ANK2: variants seen among roughly 807,000 people sequenced by gnomAD.
The protein encoded by ANK2 is ankyrin 2, also known as ankyrin-2.
ANK2 carries 83 observed loss-of-function variants against 360.5 expected under a neutral mutation model. The ratio of observed to expected loss-of-function variants is 0.23; its 90% CI spans 0.19 to 0.28. The LOEUF is 0.28. Among genes scored for constraint, ANK2 ranks in the 10% least tolerant of loss-of-function variants. The pLI is 1.00. For synonymous variants in ANK2, 1,740 were observed against 1,759.5 expected, an observed-to-expected ratio of 0.99 and a Z score of 0.28; for missense variants, 4,201 against 4,795.7, an observed-to-expected ratio of 0.88 and a Z score of 3.66.
rs534516815 is a variant in ANK2 at position 112,954,937 on chromosome 4, A to G, written c.21+50423A>G. Among the ~76,000 whole-genome samples, 28 of 152,314 alleles carry G rather than the reference A, an allele frequency of 1.8e-4. No individual in the cohort carries two copies. In the South Asian group the frequency reaches 1.9e-3, roughly 10 times the overall value. On this transcript the variant is annotated intron_variant, in intron 2 of 30. Transcript: ENST00000503271. ...AATCAGTTATAGGGAAATAATGCCA[A>G]ATTTGTAAAAAACTGCATGACCAAA...
the ANK2 span, among the ~76,000 whole-genome samples, chr4:112,712,311 C>T: frequency 6.6e-6 from 1 of 150,474 alleles, no homozygotes; most frequent in African/African-American, 2.4e-5. Context: ...AACTTCTAAC[C>T]TCAGGTGATC....
intron 1 of ANK2, among the ~76,000 whole-genome samples, chr4:112,863,449 T>A (rs1006553495): frequency 1.1e-4 from 16 of 151,770 alleles, no homozygotes; most frequent in African/African-American, 3.1e-4. Context: ...ATTTAAAAAA[T>A]TACAAAATAT....
At chr4:113,267,546 G>A (rs768056605) in intron 14 of ANK2, among the ~76,000 whole-genome samples, 1 of 152,202 alleles carries the variant, frequency 6.6e-6, no homozygotes, top group African/African-American at 2.4e-5. Context: ...ATTTGTCAAA[G>A]ATCAGATGGT....
Position 113,369,633 on chromosome 4 carries a change from A to G in ANK2, c.11438A>G (p.Gln3813Arg). Residue 3813 changes from glutamine to arginine, a missense_variant, in exon 43 of 46, where the codon CAG (glutamine) becomes CGG (arginine). Gln to Arg is a conservative substitution (Grantham distance 43). Around this residue, in one of 4 missense-constraint regions of ANK2, gnomAD observed 2,642 missense variants for 2,714.5 expected, o/e 0.97. Coordinates refer to ENST00000357077, the MANE Select transcript of ANK2 (RefSeq NM_001148.6). ...TPAEEEKLYL[Q>R]TPTSSERGGS... ...GCAGAGGAGGAGAAGCTGTACCTCC[A>G]GACCCCAACATCCAGCGAGCGGGGA... The G allele has an allele frequency of 1.2e-6, 2 of 1,614,166 alleles. No homozygotes were observed. The highest frequency in any genetic ancestry group is 1.7e-6 in the Non-Finnish European group (2 of 1,180,012).
chr4:113,301,883 T>A (rs895297583), intron 22 of ANK2, among the ~76,000 whole-genome samples: 1 of 152,230 alleles, frequency 6.6e-6, no homozygotes, highest in Admixed American at 6.5e-5. Context: ...ACTTTTAAGA[T>A]GCATTTAATA....
chr4:113,049,836 T>A (rs1413887544), intron 1 of ANK2, 24 bp downstream of exon 1: 1 of 1,612,560 alleles, frequency 6.2e-7, no homozygotes, highest in East Asian at 2.2e-5. Context: ...ATTAGGAATG[T>A]CTGTGTATAA....
At chr4:113,161,125 T>C (rs1034693952) in intron 1 of ANK2, among the ~76,000 whole-genome samples, 32 of 152,238 alleles carry the variant, frequency 2.1e-4, no homozygotes, top group African/African-American at 7.7e-4. Context: ...CTTTTGTTTT[T>C]AGTTGTGTTT....
Position 113,287,699 on chromosome 4 carries a change from C to T in ANK2, c.2174C>T (p.Thr725Ile). The change falls in exon 19 of 46, where the codon ACA becomes ATA. Residue 725 changes from threonine (T) to isoleucine (I), a missense_variant. Thr to Ile is a moderately conservative substitution (Grantham distance 89). Coordinates refer to ENST00000357077, the MANE Select transcript of ANK2 (RefSeq NM_001148.6). The stretch of plus-strand genomic sequence containing the variant: ...CATGGAGCTGATCAGGATGCTCATA[C>T]AAAGGTAAAGCAAATCACTCTCAGT... Reference protein sequence around the residue: ...TKHGADQDAHTKLGYTPLIVA... With the variant: ...TKHGADQDAHIKLGYTPLIVA... 1 of 1,606,998 alleles carries T rather than the reference C, an allele frequency of 6.2e-7. No individual in the cohort carries two copies.
At chr4:113,300,926 T>C (rs576601663) in intron 22 of ANK2, among the ~76,000 whole-genome samples, 2 of 152,368 alleles carry the variant, frequency 1.3e-5, no homozygotes, top group Admixed American at 1.3e-4. Flanking sequence ...AGATCTTATA[T>C]ATGTATATAG....
intron 2 of ANK2, among the ~76,000 whole-genome samples, chr4:113,015,509 T>C (rs2056363842): frequency 1.3e-5 from 2 of 152,226 alleles, no homozygotes; most frequent in Non-Finnish European, 2.9e-5. Context: ...GTGTTATGAT[T>C]TAATATGTTC....
chr4:112,732,813 G>C, the ANK2 span, among the ~76,000 whole-genome samples: 8 of 152,184 alleles, frequency 5.3e-5, no homozygotes, highest in Non-Finnish European at 8.8e-5. Flanking sequence ...TGGGCGTGGT[G>C]GCTCACGCCT....
intron 10 of ANK2, among the ~76,000 whole-genome samples, chr4:113,252,841 AC>A (rs1319623379): frequency 6.6e-6 from 1 of 152,180 alleles, no homozygotes; most frequent in Non-Finnish European, 1.5e-5. Flanking sequence ...TACAGGAAAC[AC>A]CCAGCCACAC....
At chr4:113,091,808 AT>A (rs1217300273) in intron 1 of ANK2, among the ~76,000 whole-genome samples, 1 of 152,190 alleles carries the variant, frequency 6.6e-6, no homozygotes, top group African/African-American at 2.4e-5. Context: ...TGTTTTATAG[AT>A]TAAGTGCTTT....
chr4:112,809,569 AT>A, the ANK2 span, among the ~76,000 whole-genome samples: 4 of 127,582 alleles, frequency 3.1e-5, no homozygotes, highest in African/African-American at 1.3e-4. Flanking sequence ...TAAAAAAAAA[AT>A]AAATCAATAA....
chr4:113,077,491 G>A (rs973766042), intron 1 of ANK2, among the ~76,000 whole-genome samples: 2 of 152,124 alleles, frequency 1.3e-5, no homozygotes, highest in Non-Finnish European at 2.9e-5. Flanking sequence ...TTTAAGAGTG[G>A]TTCAGCTTAA....
intron 1 of ANK2, among the ~76,000 whole-genome samples, chr4:113,123,069 A>G (rs1280517952): frequency 6.6e-6 from 1 of 151,906 alleles, no homozygotes; most frequent in Non-Finnish European, 1.5e-5. Flanking sequence ...AGTTGAAAGA[A>G]AAAGAAAATT....
chr4:112,983,821 C>G (rs545616540), intron 2 of ANK2, among the ~76,000 whole-genome samples: 1 of 152,290 alleles, frequency 6.6e-6, no homozygotes, highest in East Asian at 1.9e-4. Flanking sequence ...GAGCGGACAG[C>G]TGTCTTTCCC....
chr4:112,761,436 C>G, the ANK2 span, among the ~76,000 whole-genome samples: 1 of 151,892 alleles, frequency 6.6e-6, no homozygotes, highest in Non-Finnish European at 1.5e-5. Flanking sequence ...CTGGCTAACA[C>G]GGTGAAACCC....
chr4:113,004,991 T>A (rs764876713), intron 2 of ANK2, among the ~76,000 whole-genome samples: 14 of 152,204 alleles, frequency 9.2e-5, no homozygotes, highest in Non-Finnish European at 1.8e-4. Flanking sequence ...GAGTAAATGC[T>A]TTTTAACTAA....
Sources: gnomAD v4.1 joint callset for allele counts (sites outside exome capture counted in the v4.1 genomes callset) on GRCh38, gnomAD v4.1.1 for gene constraint, gnomAD v4.1.1 regional missense constraint, MANE v1.5 for transcripts, NCBI Gene and HGNC (gene_info 2026-07-23, HGNC 2026-07-21) for gene names.